The following CDC42BPB variants were observed in gnomAD, a reference collection of about 807,000 sequenced individuals.
CDC42BPB encodes CDC42 binding protein kinase beta, also known as serine/threonine-protein kinase MRCK beta.
Under a neutral mutation model 214.9 loss-of-function variants are expected in CDC42BPB, and 37 were observed. The observed-to-expected ratio is 0.17, with a 90% CI of 0.13 to 0.23. The LOEUF (loss-of-function observed/expected upper bound fraction) is 0.23. Among genes scored for constraint, CDC42BPB ranks in the 10% least tolerant of loss-of-function variants. The pLI is 1.00. For synonymous variants in CDC42BPB, 931 were observed against 884.0 expected (o/e 1.05, Z -0.94); for missense variants, 1,694 against 2,227.0 (o/e 0.76, Z 4.82).
intron 1 of CDC42BPB, among the ~76,000 whole-genome samples, chr14:103,021,812 G>A (rs1886790150): frequency 6.6e-6 from 1 of 152,202 alleles, no homozygotes; most frequent in Non-Finnish European, 1.5e-5. Context: ...GGATCATGTG[G>A]TGCAGGCGAT....
At chr14:102,993,864 C>T (rs1158524096) in intron 5 of CDC42BPB, among the ~76,000 whole-genome samples, 2 of 152,194 alleles carry the variant, frequency 1.3e-5, no homozygotes, top group Non-Finnish European at 2.9e-5. Context: ...GATAATTACA[C>T]TACTTTATTT....
chr14:102,961,121 C>A (rs1027203596), intron 20 of CDC42BPB, among the ~76,000 whole-genome samples: 1 of 152,074 alleles, frequency 6.6e-6, no homozygotes, highest in Non-Finnish European at 1.5e-5. Flanking sequence ...GAACCCTGAT[C>A]GTGCTACTGC....
At chr14:102,988,728 A>G (rs1271103148) in intron 5 of CDC42BPB, among the ~76,000 whole-genome samples, 1 of 152,222 alleles carries the variant, frequency 6.6e-6, no homozygotes, top group African/African-American at 2.4e-5. Flanking sequence ...CTGGAGAGCC[A>G]TTTAAAGATA....
chr14:103,042,271 AATAT>A (rs1888043347), intron 1 of CDC42BPB, among the ~76,000 whole-genome samples: 1 of 152,204 alleles, frequency 6.6e-6, no homozygotes, highest in South Asian at 2.1e-4. Context: ...TTGTATCTAG[AATAT>A]ACAGAGAACT....
intron 5 of CDC42BPB, among the ~76,000 whole-genome samples, chr14:102,996,812 C>CAAAAAA (rs34138749): frequency 2.4e-5 from 3 of 125,202 alleles, no homozygotes; most frequent in African/African-American, 9.4e-5. Flanking sequence ...GACTCCATCT[C>CAAAAAA]AAAAAAAAAA....
At chr14:102,967,217 T>C in intron 16 of CDC42BPB, 47 bp from the exon 17 acceptor site, 1 of 1,582,320 alleles carries the variant, frequency 6.3e-7, no homozygotes. Flanking sequence ...CGGGCATCCT[T>C]TAAGTATGCT....
intron 1 of CDC42BPB, among the ~76,000 whole-genome samples, chr14:103,019,913 C>T (rs1404604403): frequency 1.3e-5 from 2 of 152,136 alleles, no homozygotes; most frequent in Non-Finnish European, 2.9e-5. Context: ...AAAAGCTTTG[C>T]CAAGAAGAAC....
chr14:103,029,810 G>A (rs1439002071), intron 1 of CDC42BPB, among the ~76,000 whole-genome samples: 1 of 126,580 alleles, frequency 7.9e-6, no homozygotes, highest in Non-Finnish European at 1.6e-5. Flanking sequence ...AGTGAGCCGA[G>A]ATCGCGCCAC....
In CDC42BPB at chr14:102,988,884, A is replaced by AAC. The variant is rs1555390880; in HGVS notation, c.597-2305_597-2304insGT. ...AACCCCCCCTTCCAAAAAAAAAAAA[A>AAC]AAACAAACAAACCAACACGTGGGTT... On this transcript the variant is annotated intron_variant, in intron 5 of 36. Coordinates refer to ENST00000361246, the MANE Select transcript of CDC42BPB (RefSeq NM_006035.4). Among the ~76,000 whole-genome samples, 140 of 151,526 alleles carry AAC rather than the reference A, an allele frequency of 9.2e-4. 1 individual carries two copies. Among genetic ancestry groups the AAC allele is most frequent in the Admixed American group, 5.3e-3 (80 of 15,238 alleles).
In CDC42BPB at chr14:102,946,463, C is replaced by G. The variant is rs1892181517; in HGVS notation, c.3748+5G>C. Reference sequence around the variant, plus strand: ...CACCTGAAGGACACAACCTTTGGGACGTACCCACGATGGCAGCTGTCAGGA... The same window carrying G: ...CACCTGAAGGACACAACCTTTGGGAGGTACCCACGATGGCAGCTGTCAGGA... On this transcript the variant is annotated splice_donor_5th_base_variant and intron_variant, in intron 28 of 36. Coordinates refer to ENST00000361246, the MANE Select transcript of CDC42BPB (RefSeq NM_006035.4). The G allele has an allele frequency of 6.2e-7, 1 of 1,612,316 alleles. No individual in the cohort carries two copies. The highest frequency in any genetic ancestry group is 8.5e-7 in the Non-Finnish European group (1 of 1,179,928).
chr14:103,044,874 T>C (rs1490633902), intron 1 of CDC42BPB, among the ~76,000 whole-genome samples: 1 of 151,438 alleles, frequency 6.6e-6, no homozygotes, highest in African/African-American at 2.4e-5. Context: ...TTCTCAATAG[T>C]AAAGCATCAG....
rs181902824 is a variant in CDC42BPB at position 102,967,502 on chromosome 14, C to T, written c.2347-332G>A. On this transcript the variant is annotated intron_variant, in intron 16 of 36. Transcript: ENST00000361246. ...CACGTGTAGTGAAACAGCAAGAACA[C>T]GGTCTGAGAAACGTGTCCTTGCACA... 3.9e-5 allele frequency among the ~76,000 whole-genome samples: 6 copies of T among 152,334 alleles called. No individual in the cohort carries two copies. The East Asian group carries it at 5.8e-4, about 15-fold the overall frequency.
intron 5 of CDC42BPB, among the ~76,000 whole-genome samples, chr14:102,995,675 G>A (rs527571994): frequency 1.1e-3 from 166 of 152,340 alleles, no homozygotes; most frequent in African/African-American, 3.8e-3. Context: ...GCAGACCCCC[G>A]CCTGCGGGGT....
chr14:102,963,994 C>A (rs1199334884), intron 19 of CDC42BPB, among the ~76,000 whole-genome samples: 2 of 99,372 alleles, frequency 2.0e-5, no homozygotes, highest in Admixed American at 2.1e-4. Context: ...AAAGAGGAGA[C>A]TCTCAGCAAA....
intron 1 of CDC42BPB, among the ~76,000 whole-genome samples, chr14:103,054,353 G>A (rs915303659): frequency 2.6e-5 from 4 of 152,184 alleles, no homozygotes; most frequent in Non-Finnish European, 4.4e-5. Flanking sequence ...TTTTCCACGT[G>A]ACAGGAATCG....
At chr14:103,026,962 C>A (rs917751867) in intron 1 of CDC42BPB, among the ~76,000 whole-genome samples, 9 of 151,574 alleles carry the variant, frequency 5.9e-5, no homozygotes, top group Admixed American at 1.3e-4. Flanking sequence ...CCAGAATACA[C>A]AAAAAGCTCT....
rs182939000 is a variant in CDC42BPB, at chr14:103,057,072, G to A, written c.102C>T (p.Leu34=). 67 of 1,524,462 alleles carry A rather than the reference G, an allele frequency of 4.4e-5. No individual in the cohort carries two copies. Among genetic ancestry groups the A allele is most frequent in the Admixed American group, 1.9e-4 (9 of 48,376 alleles). 94.4% of individuals were successfully genotyped at this position (1,524,462 alleles called of 1,614,324 possible). Residue 34 remains leucine, a synonymous_variant, in exon 1 of 37, where the codon CTC becomes CTT. Coordinates refer to ENST00000361246, the MANE Select transcript of CDC42BPB (RefSeq NM_006035.4). ...ALSVETLLDV[L]VCLYTECSHS... ...GGCTGCACTCGGTGTACAGGCAGAC[G>A]AGCACGTCGAGCAGCGTTTCCACGC... is the stretch of plus-strand genomic sequence containing the variant.
chr14:102,955,692 A>G (rs1892677870), intron 21 of CDC42BPB, among the ~76,000 whole-genome samples: 1 of 152,256 alleles, frequency 6.6e-6, no homozygotes, highest in East Asian at 1.9e-4. Context: ...CTAATAGTTT[A>G]TCATCACAGG....
At chr14:102,989,206 C>T (rs1480967719) in intron 5 of CDC42BPB, among the ~76,000 whole-genome samples, 2 of 152,116 alleles carry the variant, frequency 1.3e-5, no homozygotes, top group Non-Finnish European at 2.9e-5. Flanking sequence ...CAATTGTGTA[C>T]CACCTGTCAC....
Sources: allele counts gnomAD v4.1 joint callset (sites outside exome capture counted in the v4.1 genomes callset), GRCh38; gene constraint gnomAD v4.1.1; transcripts MANE v1.5; gene names NCBI Gene and HGNC (gene_info 2026-07-23, HGNC 2026-07-21).